The following EDIL3 variants were observed in gnomAD, a reference collection of about 807,000 sequenced individuals.
The protein encoded by EDIL3 is EGF-like repeat and discoidin I-like domain-containing protein 3.
A neutral mutation model predicts 67.4 loss-of-function variants in EDIL3; 37 were observed. The observed-to-expected ratio is 0.55, with a 90% CI of 0.42 to 0.72. The LOEUF (loss-of-function observed/expected upper bound fraction) is 0.72, where lower values mean the gene tolerates loss of function less well. Ranked by LOEUF, EDIL3 falls within the 30% of genes least tolerant of loss-of-function variation. EDIL3 has a pLI of 0.00. For synonymous variants in EDIL3, 195 were observed against 196.3 expected (o/e 0.99, Z 0.05); for missense variants, 527 against 586.3 (o/e 0.90, Z 1.04).
intron 6 of EDIL3, among the ~76,000 whole-genome samples, chr5:84,072,653 G>T (rs1310474181): frequency 1.3e-5 from 2 of 151,956 alleles, no homozygotes; most frequent in African/African-American, 2.4e-5. Context: ...AACTGATGTT[G>T]GCAAAAAGTT....
intron 5 of EDIL3, among the ~76,000 whole-genome samples, chr5:84,128,408 C>T (rs1747903893): frequency 1.3e-5 from 2 of 152,094 alleles, no homozygotes; most frequent in South Asian, 4.1e-4. Flanking sequence ...TTGAACCTCA[C>T]TCTGACAGTC....
In EDIL3 at chr5:83,942,102, TA is replaced by T. The variant is rs1458756635; in HGVS notation, c.*1316del. On this transcript the variant is annotated 3_prime_UTR_variant, in exon 11 of 11. Coordinates refer to ENST00000296591, the MANE Select transcript of EDIL3 (RefSeq NM_005711.5). ...ATAAAATAAATACTTGTAAAGCTTA[TA>T]AATTAGATGTTGAAGACTTTTATGG... 1.3e-5 allele frequency: 2 copies of T among 152,034 alleles called. No individual in the cohort carries two copies. The highest frequency in any genetic ancestry group is 4.8e-5 in the African/African-American group (2 of 41,444). The allele number at this position is 152,034 out of a possible 1,614,324, so 9.4% of individuals were successfully genotyped here.
intron 1 of EDIL3, among the ~76,000 whole-genome samples, chr5:84,331,266 T>C (rs1200882775): frequency 1.3e-5 from 2 of 152,088 alleles, no homozygotes; most frequent in Admixed American, 6.6e-5. Flanking sequence ...TGGGAAGGCA[T>C]GATTGTGTTT....
chr5:84,206,196 G>A (rs1327281152), intron 3 of EDIL3, among the ~76,000 whole-genome samples: 1 of 152,118 alleles, frequency 6.6e-6, no homozygotes, highest in Non-Finnish European at 1.5e-5. Context: ...GGAGCAGGTT[G>A]TTCAGTTTCC....
intron 3 of EDIL3, among the ~76,000 whole-genome samples, chr5:84,190,208 C>G (rs990196399): frequency 6.6e-6 from 1 of 151,902 alleles, no homozygotes. Flanking sequence ...CTTTAGAAAC[C>G]ATAAATGTAA....
intron 4 of EDIL3, among the ~76,000 whole-genome samples, chr5:84,156,896 A>C (rs1457883063): frequency 6.6e-6 from 1 of 152,136 alleles, no homozygotes; most frequent in Non-Finnish European, 1.5e-5. Context: ...TTTCTTCAAC[A>C]TATATTCATT....
At chr5:84,030,760 C>T (rs1360888768) in intron 9 of EDIL3, among the ~76,000 whole-genome samples, 1 of 152,130 alleles carries the variant, frequency 6.6e-6, no homozygotes, top group Non-Finnish European at 1.5e-5. Flanking sequence ...CCTACACCTC[C>T]TGACTGCCTT....
rs371264288 is a variant in EDIL3, at chr5:84,204,555, G to A, written c.227-24034C>T. 3.4e-4 allele frequency among the ~76,000 whole-genome samples: 51 copies of A among 151,568 alleles called. No homozygotes were observed. In the East Asian group the frequency reaches 9.7e-3, roughly 29 times the overall value. ...TTTAAAGTTTTCATGCCTATCAAACGCCCATTCTTAGGCACTATCCAATTA... is the reference window on the plus strand; with the variant it reads ...TTTAAAGTTTTCATGCCTATCAAACACCCATTCTTAGGCACTATCCAATTA... On this transcript the variant is annotated intron_variant, in intron 3 of 10. Coordinates refer to ENST00000296591, the MANE Select transcript of EDIL3 (RefSeq NM_005711.5).
intron 5 of EDIL3, among the ~76,000 whole-genome samples, chr5:84,109,720 C>A (rs1168180528): frequency 1.3e-5 from 2 of 152,028 alleles, no homozygotes; most frequent in African/African-American, 4.8e-5. Context: ...CCCCCAAAAA[C>A]CAATTTCCAA....
At chr5:84,300,835 C>A (rs926853956) in intron 1 of EDIL3, among the ~76,000 whole-genome samples, 4 of 152,000 alleles carry the variant, frequency 2.6e-5, no homozygotes. Context: ...TCTTAGATTG[C>A]AATATTTGTA....
intron 4 of EDIL3, among the ~76,000 whole-genome samples, chr5:84,165,633 A>T (rs1342540033): frequency 6.6e-6 from 1 of 152,178 alleles, no homozygotes; most frequent in Non-Finnish European, 1.5e-5. Context: ...CAGTGTGCTC[A>T]CTGTAAACAA....
intron 7 of EDIL3, 40 bp from the exon 8 acceptor site, chr5:84,064,884 T>C: frequency 1.3e-6 from 2 of 1,573,274 alleles, no homozygotes; most frequent in Non-Finnish European, 1.7e-6. Flanking sequence ...TGCAACAGCT[T>C]ATTTACCTAT....
chr5:84,098,137 CTCTTTAAAT>C (rs1467340608), intron 6 of EDIL3, among the ~76,000 whole-genome samples: 19 of 150,808 alleles, frequency 1.3e-4, no homozygotes, highest in African/African-American at 4.6e-4. Context: ...CATTTACCAA[CTCTTTAAAT>C]CCAGAACCAG....
chr5:84,368,367 A>G (rs1747781549), intron 1 of EDIL3, among the ~76,000 whole-genome samples: 1 of 152,198 alleles, frequency 6.6e-6, no homozygotes, highest in Admixed American at 6.6e-5. Context: ...TTCGATATGG[A>G]TTGTCAATGG....
intron 4 of EDIL3, among the ~76,000 whole-genome samples, chr5:84,159,707 T>A (rs557325996): frequency 2.0e-5 from 3 of 152,180 alleles, no homozygotes; most frequent in African/African-American, 7.2e-5. Context: ...TAATGAGATA[T>A]GGTTACAATA....
intron 4 of EDIL3, among the ~76,000 whole-genome samples, chr5:84,155,184 A>G (rs946694920): frequency 1.3e-5 from 2 of 152,202 alleles, no homozygotes; most frequent in African/African-American, 4.8e-5. Context: ...AGGAGTAAGT[A>G]TAACATTATT....
At chr5:84,146,534 C>T (rs1748292394) in intron 4 of EDIL3, among the ~76,000 whole-genome samples, 1 of 152,124 alleles carries the variant, frequency 6.6e-6, no homozygotes, top group Non-Finnish European at 1.5e-5. Flanking sequence ...CATTTCTCCT[C>T]TAGGTTAAAG....
intron 1 of EDIL3, among the ~76,000 whole-genome samples, chr5:84,371,325 A>G (rs1747841652): frequency 7.0e-6 from 1 of 142,796 alleles, no homozygotes; most frequent in Non-Finnish European, 1.5e-5. Flanking sequence ...AAAAGTATAT[A>G]TATATATATA....
intron 2 of EDIL3, among the ~76,000 whole-genome samples, chr5:84,249,422 TCTA>T (rs1744979014): frequency 6.6e-6 from 1 of 151,076 alleles, no homozygotes; most frequent in South Asian, 2.1e-4. Flanking sequence ...TATCTATCTA[TCTA>T]TCTATCATCT....
Sources: allele counts gnomAD v4.1 joint callset (sites outside exome capture counted in the v4.1 genomes callset), GRCh38; gene constraint gnomAD v4.1.1; transcripts MANE v1.5; gene names NCBI Gene and HGNC (gene_info 2026-07-23, HGNC 2026-07-21).